The following RPS6KA2 variants were observed in gnomAD, a reference collection of about 807,000 sequenced individuals.
RPS6KA2 encodes ribosomal protein S6 kinase alpha-2.
Under a neutral mutation model 91.8 loss-of-function variants are expected in RPS6KA2, and 42 were observed. That is an observed-to-expected ratio of 0.46 (90% CI 0.36 to 0.59). The LOEUF (loss-of-function observed/expected upper bound fraction) is 0.59. Among genes scored for constraint, RPS6KA2 ranks in the 20% least tolerant of loss-of-function variants. RPS6KA2 has a pLI of 0.00. For missense variants in RPS6KA2, 798 were observed against 978.5 expected (o/e 0.82, Z 2.46); for synonymous variants, 414 against 393.6 (o/e 1.05, Z -0.61).
chr6:166,650,816 T>G (rs1048164670), intron 2 of RPS6KA2, among the ~76,000 whole-genome samples: 1 of 152,214 alleles, frequency 6.6e-6, no homozygotes, highest in Non-Finnish European at 1.5e-5. Context: ...AGGCTCTTCT[T>G]GGAACCCTGA....
At chr6:166,541,351 G>A (rs968786587) in intron 1 of RPS6KA2, among the ~76,000 whole-genome samples, 3 of 152,248 alleles carry the variant, frequency 2.0e-5, no homozygotes, top group African/African-American at 4.8e-5. Flanking sequence ...CCTTGTGTAT[G>A]TTTCCTAAAG....
At chr6:166,658,750 C>T (rs974487959) in intron 2 of RPS6KA2, among the ~76,000 whole-genome samples, 7 of 152,180 alleles carry the variant, frequency 4.6e-5, no homozygotes, top group Admixed American at 6.5e-5. Flanking sequence ...TTCTGACCTT[C>T]ATCTGTGCAA....
chr6:166,781,290 G>A (rs1324272227), intron 2 of RPS6KA2, among the ~76,000 whole-genome samples: 2 of 152,242 alleles, frequency 1.3e-5, no homozygotes, highest in Non-Finnish European at 2.9e-5. Flanking sequence ...TAAGTTGACT[G>A]TGCATTTTGG....
rs150352095 is a variant in RPS6KA2, at chr6:166,599,407, G to T, written c.99+27514C>A. ...ACAAGGTTTTCTCATTATATACACC[G>T]AATAAAATGAAGAAATGATGACTGG... On this transcript the variant is annotated intron_variant, in intron 1 of 20. Transcript: ENST00000265678. Among the ~76,000 whole-genome samples the T allele has an allele frequency of 3.1e-3, 475 of 152,240 alleles. 3 individuals are homozygous for T. Among genetic ancestry groups the T allele is most frequent in the Non-Finnish European group, 5.6e-3 (379 of 68,014 alleles).
chr6:166,599,667 A>G (rs1038060909), intron 1 of RPS6KA2, among the ~76,000 whole-genome samples: 4 of 152,230 alleles, frequency 2.6e-5, no homozygotes, highest in African/African-American at 9.6e-5. Context: ...AATAAGAGAC[A>G]TAAATGCAAC....
chr6:166,748,677 C>T lies in RPS6KA2; in HGVS notation c.123+109523G>A, dbSNP rs1450972608. ...CCACCTCCTCAGGCCCCCATCTCCTCGGTCCCCCATTTCCTCAGGCCCCCA... is the reference window on the plus strand; with the variant it reads ...CCACCTCCTCAGGCCCCCATCTCCTTGGTCCCCCATTTCCTCAGGCCCCCA... On this transcript the variant is annotated intron_variant, in intron 2 of 21. Transcript: ENST00000503859. 2.3e-3 allele frequency among the ~76,000 whole-genome samples: 139 copies of T among 60,230 alleles called. 4 individuals carry two copies. Among genetic ancestry groups the T allele is most frequent in the Middle Eastern group, 8.5e-3 (1 of 118 alleles). The allele number at this position is 60,230 out of a possible 152,430, so 39.5% of individuals were successfully genotyped here.
chr6:166,460,488 G>A (rs1198562983), intron 11 of RPS6KA2, among the ~76,000 whole-genome samples: 1 of 152,184 alleles, frequency 6.6e-6, no homozygotes, highest in Non-Finnish European at 1.5e-5. Flanking sequence ...AAGTGTGGAG[G>A]GGGAGGGGCA....
intron 2 of RPS6KA2, among the ~76,000 whole-genome samples, chr6:166,845,886 C>T (rs1405317584): frequency 6.6e-6 from 1 of 151,500 alleles, no homozygotes; most frequent in Non-Finnish European, 1.5e-5. Flanking sequence ...GAAATAGAAA[C>T]AAAAAGAAAA....
intron 3 of RPS6KA2, among the ~76,000 whole-genome samples, chr6:166,518,517 T>G (rs531837127): frequency 6.6e-6 from 1 of 152,104 alleles, no homozygotes; most frequent in Non-Finnish European, 1.5e-5. Context: ...TCATTATGCT[T>G]ATAATAATAA....
At chr6:166,827,769 C>G (rs1025041544) in intron 2 of RPS6KA2, among the ~76,000 whole-genome samples, 8 of 152,246 alleles carry the variant, frequency 5.3e-5, no homozygotes, top group African/African-American at 1.9e-4. Context: ...AAACCTCACA[C>G]TGCGTATCTT....
intron 2 of RPS6KA2, chr6:166,702,738 C>A: frequency 8.0e-7 from 1 of 1,254,788 alleles, no homozygotes; most frequent in Non-Finnish European, 1.2e-6. Context: ...CAATCTTCAC[C>A]AGGAAGGGTC....
At chr6:166,747,820 G>A (rs1791068942) in intron 2 of RPS6KA2, among the ~76,000 whole-genome samples, 1 of 152,196 alleles carries the variant, frequency 6.6e-6, no homozygotes, top group Non-Finnish European at 1.5e-5. Context: ...CCTTTCCAAT[G>A]CAAACGACCT....
chr6:166,613,410 C>T lies in RPS6KA2; in HGVS notation c.99+13511G>A, dbSNP rs566756011. ...GTCTACTGCTGAAATTTGCAAAACACGTCACCGAAGGAGTCTCAGGTTGAT... is the reference window on the plus strand; with the variant it reads ...GTCTACTGCTGAAATTTGCAAAACATGTCACCGAAGGAGTCTCAGGTTGAT... On this transcript the variant is annotated intron_variant, in intron 1 of 20. Coordinates refer to ENST00000265678, the MANE Select transcript of RPS6KA2 (RefSeq NM_021135.6). Among the ~76,000 whole-genome samples, 10 of 152,340 alleles carry T rather than the reference C, an allele frequency of 6.6e-5. No homozygotes were observed. In the East Asian group the frequency reaches 9.6e-4, roughly 15 times the overall value.
chr6:166,846,611 C>T (rs137862303), intron 2 of RPS6KA2, among the ~76,000 whole-genome samples: 6 of 152,250 alleles, frequency 3.9e-5, no homozygotes, highest in Non-Finnish European at 8.8e-5. Flanking sequence ...ACAAAAATCA[C>T]GTGATCATCC....
At chr6:166,483,066 C>T (rs1435587782) in intron 10 of RPS6KA2, among the ~76,000 whole-genome samples, 1 of 152,212 alleles carries the variant, frequency 6.6e-6, no homozygotes, top group Non-Finnish European at 1.5e-5. Context: ...TGCCCCAAGA[C>T]TCACAGCCTG....
At chr6:166,637,396 A>G (rs544851926) in intron 2 of RPS6KA2, among the ~76,000 whole-genome samples, 1 of 152,310 alleles carries the variant, frequency 6.6e-6, no homozygotes, top group Non-Finnish European at 1.5e-5. Context: ...GTCGAAGCCC[A>G]TTCTCTCCCC....
chr6:166,560,843 T>G (rs1404061942), intron 1 of RPS6KA2, among the ~76,000 whole-genome samples: 1 of 152,172 alleles, frequency 6.6e-6, no homozygotes, highest in Non-Finnish European at 1.5e-5. Context: ...TCCCCAAGCA[T>G]ACACCAAAAG....
chr6:166,510,420 A>C (rs564245991), intron 3 of RPS6KA2, 63 bp from the exon 4 acceptor site: 1 of 1,040,732 alleles, frequency 9.6e-7, no homozygotes, highest in African/African-American at 1.6e-5. Context: ...GGAACACTGA[A>C]CATGAAATAC....
intron 1 of RPS6KA2, among the ~76,000 whole-genome samples, chr6:166,549,425 G>A (rs533594063): frequency 7.3e-5 from 11 of 151,438 alleles, no homozygotes; most frequent in South Asian, 6.2e-4. Flanking sequence ...ATGAATGAAT[G>A]GTTCAACAAG....
Sources: gnomAD v4.1 joint callset for allele counts (sites outside exome capture counted in the v4.1 genomes callset) on GRCh38, gnomAD v4.1.1 for gene constraint, MANE v1.5 for transcripts, NCBI Gene and HGNC (gene_info 2026-07-23, HGNC 2026-07-21) for gene names.